The following LZTS1 variants were observed in gnomAD, a reference collection of about 807,000 sequenced individuals.
LZTS1 encodes leucine zipper tumor suppressor 1.
LZTS1 carries 31 observed loss-of-function variants against 45.8 expected under a neutral mutation model. That is an observed-to-expected ratio of 0.68 (90% CI 0.51 to 0.91). LZTS1 has a LOEUF of 0.91. Ranked by LOEUF, LZTS1 falls within the 40% of genes least tolerant of loss-of-function variation. The pLI is 0.00. For missense variants in LZTS1, 821 were observed against 788.9 expected (o/e 1.04, Z -0.49); for synonymous variants, 359 against 357.3 (o/e 1.00, Z -0.05).
chr8:20,257,231 G>A (rs1159321637), intron 1 of LZTS1, among the ~76,000 whole-genome samples: 2 of 152,144 alleles, frequency 1.3e-5, no homozygotes, highest in East Asian at 1.9e-4. Context: ...ATGGTGGCAC[G>A]CACCTGTAGT....
chr8:20,272,201 C>T (rs1563879802), intron 1 of LZTS1, among the ~76,000 whole-genome samples: 7 of 152,192 alleles, frequency 4.6e-5, no homozygotes, highest in Admixed American at 3.3e-4. Flanking sequence ...CCTGTCTTCC[C>T]AGGTCATCTC....
In LZTS1 at chr8:20,254,920, C is replaced by T. The variant is rs775466708; in HGVS notation, c.262G>A (p.Gly88Arg). The T allele has an allele frequency of 5.6e-6, 9 of 1,614,106 alleles. No individual in the cohort carries two copies. Among genetic ancestry groups the T allele is most frequent in the East Asian group, 2.2e-5 (1 of 44,892 alleles). ...ACCCCAGCCTGGCCCCCTAAATCCC[C>T]GCTGGACAGTGCCGTGTAATCTGGG... ...HHPDYTALSS[G>R]DLGGQAGVDF... Residue 88 changes from glycine (G) to arginine (R), a missense_variant, in exon 2 of 4, where the codon GGG (glycine) becomes AGG (arginine). Coordinates refer to ENST00000381569, the MANE Select transcript of LZTS1 (RefSeq NM_021020.5).
intron 1 of LZTS1, among the ~76,000 whole-genome samples, chr8:20,281,929 G>C (rs1800700428): frequency 6.6e-6 from 1 of 152,136 alleles, no homozygotes; most frequent in African/African-American, 2.4e-5. Context: ...TGGAAGGATG[G>C]AGCTATCATT....
intron 1 of LZTS1, among the ~76,000 whole-genome samples, chr8:20,257,662 C>T (rs924318474): frequency 6.8e-6 from 1 of 146,182 alleles, no homozygotes; most frequent in Non-Finnish European, 1.5e-5. Flanking sequence ...CTAAGACACC[C>T]TTAAACTTTT....
chr8:20,249,990 C>G lies in LZTS1; in HGVS notation c.1523G>C (p.Arg508Pro). The G allele has an allele frequency of 1.2e-6, 2 of 1,613,552 alleles. No individual in the cohort carries two copies. Among genetic ancestry groups the G allele is most frequent in the Non-Finnish European group, 1.7e-6 (2 of 1,179,820 alleles). Reference sequence around the variant, plus strand: ...TTGCCGCTCCTCCCGCAGCTCGGCCCGCAGCCGCTCCAGCTCCCGCTGCAG... The same window carrying G: ...TTGCCGCTCCTCCCGCAGCTCGGCCGGCAGCCGCTCCAGCTCCCGCTGCAG... ...PALQRELERL[R>P]AELREERQGH... is the part of the protein sequence containing the mutation. The change falls in exon 4 of 4, where the codon CGG becomes CCG. Residue 508 changes from arginine (R) to proline (P), a missense_variant. By Grantham distance (103) the Arg-to-Pro change is moderately radical. Transcript: ENST00000381569.
chr8:20,279,033 T>C (rs527385976), intron 1 of LZTS1, among the ~76,000 whole-genome samples: 4 of 152,348 alleles, frequency 2.6e-5, no homozygotes, highest in African/African-American at 9.6e-5. Context: ...AATGCTCTCA[T>C]GTGCCACAGG....
intron 1 of LZTS1, among the ~76,000 whole-genome samples, chr8:20,287,142 A>C (rs1476278834): frequency 6.6e-6 from 1 of 152,206 alleles, no homozygotes; most frequent in Non-Finnish European, 1.5e-5. Flanking sequence ...CCAATTTACC[A>C]ATCAGGAAAC....
intron 1 of LZTS1, chr8:20,275,670 G>A (rs1365161975): frequency 1.3e-5 from 2 of 152,314 alleles, no homozygotes; most frequent in South Asian, 2.1e-4. Flanking sequence ...TAGCAGCAGA[G>A]GGAGGGGTTA....
At chr8:20,298,006 A>T (rs978117830) in intron 1 of LZTS1, among the ~76,000 whole-genome samples, 14 of 152,112 alleles carry the variant, frequency 9.2e-5, no homozygotes, top group African/African-American at 3.1e-4. Context: ...TGGTGTTCAT[A>T]TCTCAGCATT....
At chr8:20,279,157 A>G (rs1378677104) in intron 1 of LZTS1, among the ~76,000 whole-genome samples, 2 of 152,162 alleles carry the variant, frequency 1.3e-5, no homozygotes, top group South Asian at 2.1e-4. Flanking sequence ...AAGCCATCCT[A>G]TGTTTTCTTT....
chr8:20,283,002 A>ATT (rs1800722982), intron 1 of LZTS1, among the ~76,000 whole-genome samples: 1 of 152,158 alleles, frequency 6.6e-6, no homozygotes, highest in Non-Finnish European at 1.5e-5. Flanking sequence ...ATCCTCATGC[A>ATT]CCATGGAGCA....
At chr8:20,260,496 T>A (rs1025707160) in intron 1 of LZTS1, among the ~76,000 whole-genome samples, 4 of 152,146 alleles carry the variant, frequency 2.6e-5, no homozygotes, top group African/African-American at 9.7e-5. Context: ...ACAATCTCCA[T>A]GCTAAAATCG....
At chr8:20,261,859 C>G (rs955554150) in intron 1 of LZTS1, among the ~76,000 whole-genome samples, 6 of 152,190 alleles carry the variant, frequency 3.9e-5, no homozygotes, top group Non-Finnish European at 8.8e-5. Context: ...GTCACTCCCC[C>G]AGCCGGAGAT....
chr8:20,289,301 A>G (rs796681222), intron 1 of LZTS1: 31 of 152,332 alleles, frequency 2.0e-4, no homozygotes, highest in African/African-American at 7.5e-4. Context: ...GCATCCTTCT[A>G]TCATTGGGTA....
chr8:20,253,056 C>G lies in LZTS1; in HGVS notation c.875G>C (p.Ser292Thr). Residue 292 changes from serine (S) to threonine (T), a missense_variant, in exon 3 of 4, where the codon AGC (serine) becomes ACC (threonine). Ser to Thr is a moderately conservative substitution (Grantham distance 58). Transcript: ENST00000381569. ...CCGCGGCCGCTCCTCGTAGGCCAGGCTGGAGGCAAGCTCCTTCTCCTCAAA... is the reference window on the plus strand; with the variant it reads ...CCGCGGCCGCTCCTCGTAGGCCAGGGTGGAGGCAAGCTCCTTCTCCTCAAA... ...RSFEEKELAS[S>T]LAYEERPRRC... The G allele has an allele frequency of 6.2e-7, 1 of 1,607,020 alleles. No homozygotes were observed. The highest frequency in any genetic ancestry group is 8.5e-7 in the Non-Finnish European group (1 of 1,178,198).
intron 1 of LZTS1, among the ~76,000 whole-genome samples, chr8:20,286,837 G>A (rs1800800748): frequency 6.6e-6 from 1 of 152,142 alleles, no homozygotes; most frequent in African/African-American, 2.4e-5. Context: ...ATCACAACAT[G>A]GACCAGTTTC....
At chr8:20,250,744 A>C (rs1585272898) in intron 3 of LZTS1, among the ~76,000 whole-genome samples, 1 of 151,728 alleles carries the variant, frequency 6.6e-6, no homozygotes, top group African/African-American at 2.4e-5. Flanking sequence ...GATTACAGAC[A>C]CCTGCCACCA....
rs1800060416 is a variant in LZTS1, at chr8:20,255,040, G to A, written c.142C>T (p.Gln48Ter). The change falls in exon 2 of 4, where the codon CAG becomes TAG. Residue 48 changes from glutamine (Q) to a stop codon, truncating the protein, a stop_gained. Coordinates refer to ENST00000381569, the MANE Select transcript of LZTS1 (RefSeq NM_021020.5). LOFTEE classifies it high-confidence loss of function. Reference sequence around the variant, plus strand: ...CTGGACTTGCCGTGACCGGAGTCCTGGGAGAAGCCAAACCTCAGCAGCCCG... The same window carrying A: ...CTGGACTTGCCGTGACCGGAGTCCTAGGAGAAGCCAAACCTCAGCAGCCCG... ...SDGLLRFGFS[Q>*]DSGHGKSSSK... 6.2e-7 allele frequency: 1 copy of A among 1,614,220 alleles called. No homozygotes were observed. Among genetic ancestry groups the A allele is most frequent in the Non-Finnish European group, 8.5e-7 (1 of 1,180,044 alleles).
intron 1 of LZTS1, among the ~76,000 whole-genome samples, chr8:20,291,761 A>G (rs1205843161): frequency 6.6e-6 from 1 of 152,252 alleles, no homozygotes; most frequent in Non-Finnish European, 1.5e-5. Flanking sequence ...CAGAGAGGCC[A>G]AGTGACTTGC....
Sources: allele counts gnomAD v4.1 joint callset (sites outside exome capture counted in the v4.1 genomes callset), GRCh38; gene constraint gnomAD v4.1.1; transcripts MANE v1.5; gene names NCBI Gene and HGNC (gene_info 2026-07-23, HGNC 2026-07-21).